SLC35F4: variants seen among roughly 807,000 people sequenced by gnomAD.
SLC35F4 encodes the protein solute carrier family 35 member F4.
Under a neutral mutation model 44.2 loss-of-function variants are expected in SLC35F4, and 24 were observed. That is an observed-to-expected ratio of 0.54 (90% CI 0.39 to 0.76). The LOEUF (loss-of-function observed/expected upper bound fraction) is 0.76. Among genes scored for constraint, SLC35F4 ranks in the 30% least tolerant of loss-of-function variants. The pLI, the probability that SLC35F4 is intolerant of heterozygous loss-of-function variation, is 0.00. For missense variants in SLC35F4, 562 were observed against 586.1 expected (o/e 0.96, Z 0.42); for synonymous variants, 238 against 223.6 (o/e 1.06, Z -0.57).
intron 1 of SLC35F4, among the ~76,000 whole-genome samples, chr14:57,848,569 A>G (rs956647483): frequency 1.3e-5 from 2 of 152,218 alleles, no homozygotes; most frequent in Non-Finnish European, 2.9e-5. Context: ...GTCATCATAG[A>G]CAAGCTCTTT....
intron 1 of SLC35F4, among the ~76,000 whole-genome samples, chr14:57,755,259 G>A (rs8018543): frequency 0.27 from 41,775 of 152,076 alleles, 6,512 homozygotes; most frequent in South Asian, 0.45. Flanking sequence ...GGGCCCTGAC[G>A]AAGGGGCTTC....
chr14:57,941,842 A>G (rs1424984334), intron 1 of SLC35F4, among the ~76,000 whole-genome samples: 2 of 152,184 alleles, frequency 1.3e-5, no homozygotes, highest in Admixed American at 6.5e-5. Flanking sequence ...CCTGATATAC[A>G]GGTACTTAAC....
chr14:57,878,984 C>A (rs1005255636), intron 1 of SLC35F4, among the ~76,000 whole-genome samples: 1 of 152,070 alleles, frequency 6.6e-6, no homozygotes, highest in Non-Finnish European at 1.5e-5. Context: ...CACTTGGGCC[C>A]ATATTGAAGG....
rs2075717229 is a variant in SLC35F4 at position 57,707,873 on chromosome 14, C to A, written c.104-113749G>T. Among the ~76,000 whole-genome samples the A allele has an allele frequency of 2.0e-5, 3 of 152,126 alleles. No individual in the cohort carries two copies. The South Asian group carries it at 6.2e-4, about 32-fold the overall frequency. On this transcript the variant is annotated intron_variant, in intron 1 of 7. Coordinates refer to ENST00000556826, the MANE Select transcript of SLC35F4 (RefSeq NM_001306087.2). ...TCTTGCTTCTAAACTTTAAGCTGTC[C>A]TTGTTCATTCCTTGGTGTAGGCCGA...
At chr14:57,868,618 G>A (rs1467606901), upstream of SLC35F4, among the ~76,000 whole-genome samples, 1 of 151,946 alleles carries the variant, frequency 6.6e-6, no homozygotes, top group East Asian at 1.9e-4. Context: ...TAGGACTACA[G>A]GCACCCGACA....
intron 1 of SLC35F4, among the ~76,000 whole-genome samples, chr14:57,926,283 G>T (rs1889566891): frequency 6.6e-6 from 1 of 152,192 alleles, no homozygotes; most frequent in East Asian, 1.9e-4. Context: ...ACAAATGTTT[G>T]CTGTGGCAGG....
intron 1 of SLC35F4, among the ~76,000 whole-genome samples, chr14:57,721,589 A>G (rs900593491): frequency 3.3e-5 from 5 of 152,222 alleles, no homozygotes; most frequent in African/African-American, 9.6e-5. Flanking sequence ...CAAACCTGCC[A>G]TGAAAAGTGC....
intron 1 of SLC35F4, chr14:57,630,344 A>G: frequency 1.7e-6 from 1 of 594,482 alleles, no homozygotes; most frequent in Non-Finnish European, 3.1e-6. Flanking sequence ...GAAACAGTAG[A>G]CCGACTGGAA....
chr14:57,688,264 T>A (rs555274197), intron 1 of SLC35F4, among the ~76,000 whole-genome samples: 10 of 152,278 alleles, frequency 6.6e-5, no homozygotes, highest in African/African-American at 2.2e-4. Context: ...TAATTTTTTG[T>A]TCCTGACTAC....
At chr14:57,899,904 G>A (rs559557136) in intron 1 of SLC35F4, among the ~76,000 whole-genome samples, 7 of 152,208 alleles carry the variant, frequency 4.6e-5, no homozygotes, top group South Asian at 4.2e-4. Flanking sequence ...TGTGAAGAGC[G>A]AAAGGACAAA....
chr14:57,815,314 T>A (rs926234019), intron 1 of SLC35F4, among the ~76,000 whole-genome samples: 15 of 152,210 alleles, frequency 9.9e-5, no homozygotes, highest in African/African-American at 3.4e-4. Flanking sequence ...ATTGACTCCT[T>A]GAATTGTCGA....
At chr14:57,908,323 G>A (rs1315004153) in intron 1 of SLC35F4, among the ~76,000 whole-genome samples, 1 of 152,196 alleles carries the variant, frequency 6.6e-6, no homozygotes, top group Non-Finnish European at 1.5e-5. Context: ...TGGGATTGCT[G>A]AGTTAAATGA....
At chr14:57,838,321 T>C (rs541232433) in intron 1 of SLC35F4, among the ~76,000 whole-genome samples, 1 of 152,290 alleles carries the variant, frequency 6.6e-6, no homozygotes, top group South Asian at 2.1e-4. Flanking sequence ...TCTCAAAACC[T>C]AAGAATTCCC....
chr14:57,713,543 TTAAG>T (rs2075863699), intron 1 of SLC35F4, among the ~76,000 whole-genome samples: 1 of 152,198 alleles, frequency 6.6e-6, no homozygotes, highest in Non-Finnish European at 1.5e-5. Context: ...CTCTGCCAAA[TTAAG>T]TTTTTCCCCC....
At chr14:57,617,680 A>T (rs1283044996) in intron 1 of SLC35F4, among the ~76,000 whole-genome samples, 1 of 152,158 alleles carries the variant, frequency 6.6e-6, no homozygotes, top group East Asian at 1.9e-4. Context: ...ATGGATAAGC[A>T]GTGTGCTAGG....
chr14:57,795,260 C>A (rs1468172394), intron 1 of SLC35F4, among the ~76,000 whole-genome samples: 2 of 152,118 alleles, frequency 1.3e-5, no homozygotes, highest in Non-Finnish European at 2.9e-5. Context: ...ATAGAAAAAT[C>A]TTGGTAAACA....
intron 1 of SLC35F4, among the ~76,000 whole-genome samples, chr14:57,933,104 C>T (rs991046859): frequency 2.0e-5 from 3 of 150,902 alleles, no homozygotes; most frequent in Admixed American, 6.6e-5. Context: ...TCACTGTAGC[C>T]TCTGCCTCCC....
chr14:57,641,124 G>C (rs914796992), intron 1 of SLC35F4, among the ~76,000 whole-genome samples: 2 of 151,832 alleles, frequency 1.3e-5, no homozygotes, highest in Non-Finnish European at 2.9e-5. Context: ...GCCTTAGAGA[G>C]AAAGCAAAGA....
intron 3 of SLC35F4, among the ~76,000 whole-genome samples, chr14:57,587,081 C>G (rs963504401): frequency 1.3e-5 from 2 of 152,192 alleles, no homozygotes; most frequent in African/African-American, 4.8e-5. Flanking sequence ...CATACCATCT[C>G]AGGCCAGTTA....
Sources: gnomAD v4.1 joint callset for allele counts (sites outside exome capture counted in the v4.1 genomes callset) on GRCh38, gnomAD v4.1.1 for gene constraint, MANE v1.5 for transcripts, NCBI Gene and HGNC (gene_info 2026-07-23, HGNC 2026-07-21) for gene names.